PTPRD: variants seen among roughly 807,000 people sequenced by gnomAD.
PTPRD encodes the protein protein tyrosine phosphatase receptor type D.
In PTPRD, 34 loss-of-function variants were observed where a neutral mutation model predicts 214.5. That is an observed-to-expected ratio of 0.16 (90% CI 0.12 to 0.21). PTPRD has a LOEUF of 0.21. PTPRD is among the 10% of genes least tolerant of loss of function. The probability of loss-of-function intolerance (pLI) is 1.00; values close to 1 mark genes in which losing one functional copy is unlikely to be tolerated. For missense variants in PTPRD, 2,545 were observed against 2,398.7 expected, an observed-to-expected ratio of 1.06 and a Z score of -1.27; for synonymous variants, 1,128 against 845.7, an observed-to-expected ratio of 1.33 and a Z score of -5.79.
At chr9:8,437,287 T>TAAA in intron 34 of PTPRD, 1 of 1,291,956 alleles carries the variant, frequency 7.7e-7, no homozygotes, top group Non-Finnish European at 1.0e-6. Context: ...AACAAATTCT[T>TAAA]CAAAAAAAAA....
chr9:8,706,926 C>A (rs2098222599), intron 12 of PTPRD, among the ~76,000 whole-genome samples: 2 of 152,134 alleles, frequency 1.3e-5, no homozygotes, highest in South Asian at 4.1e-4. Context: ...GCACAAAACA[C>A]CACAAATGAA....
chr9:9,113,125 C>T (rs58629527), intron 10 of PTPRD, among the ~76,000 whole-genome samples: 2,257 of 151,518 alleles, frequency 0.015, 41 homozygotes, highest in East Asian at 0.068. Context: ...CCACCATGCC[C>T]GGCTAATTAA....
At chr9:10,459,056 C>G (rs112531810) in intron 2 of PTPRD, among the ~76,000 whole-genome samples, 10,720 of 152,042 alleles carry the variant, frequency 0.071, 583 homozygotes, top group African/African-American at 0.14. Context: ...CCTAGCCCCC[C>G]ATCCATGACA....
intron 3 of PTPRD, among the ~76,000 whole-genome samples, chr9:10,260,329 AG>A (rs1318340390): frequency 1.3e-5 from 2 of 152,148 alleles, no homozygotes; most frequent in Non-Finnish European, 2.9e-5. Flanking sequence ...TAAATTTCAC[AG>A]TCTTGTCCTA....
At chr9:9,989,608 C>T (rs1378625768) in intron 4 of PTPRD, among the ~76,000 whole-genome samples, 1 of 152,112 alleles carries the variant, frequency 6.6e-6, no homozygotes, top group Non-Finnish European at 1.5e-5. Context: ...CACCACCCTC[C>T]AATTTTTTCA....
chr9:10,231,985 A>AGT lies in PTPRD; in HGVS notation c.-545+108977_-545+108978insAC, dbSNP rs1424117716. On this transcript the variant is annotated intron_variant, in intron 3 of 45. Coordinates refer to ENST00000381196, the MANE Select transcript of PTPRD (RefSeq NM_002839.4). ...GAGAGAGAGAGAGAGAGAGAGAGAG[A>AGT]GAGAGTGTGTGTGTGTGTGTGTGTG... Among the ~76,000 whole-genome samples the AGT allele has an allele frequency of 3.7e-3, 356 of 96,168 alleles. 2 individuals carry two copies. The highest frequency in any genetic ancestry group is 0.022 in the Admixed American group (190 of 8,664). The allele number at this position is 96,168 out of a possible 152,430, so 63.1% of individuals were successfully genotyped here.
chr9:9,606,999 AAAAAAAG>A (rs2094202842), intron 7 of PTPRD, among the ~76,000 whole-genome samples: 1 of 126,552 alleles, frequency 7.9e-6, no homozygotes, highest in Non-Finnish European at 1.7e-5. Context: ...AAAAAAAAAA[AAAAAAAG>A]TGTTTCTGCC....
chr9:9,983,512 G>C (rs1171443966), intron 4 of PTPRD, among the ~76,000 whole-genome samples: 1 of 152,218 alleles, frequency 6.6e-6, no homozygotes, highest in Non-Finnish European at 1.5e-5. Context: ...ATAAAATACA[G>C]GCAAAGCACT....
intron 3 of PTPRD, among the ~76,000 whole-genome samples, chr9:10,112,960 G>T (rs1053295044): frequency 1.3e-5 from 2 of 152,130 alleles, no homozygotes; most frequent in Non-Finnish European, 2.9e-5. Flanking sequence ...AAGGTGTGAG[G>T]GATGCTTGCC....
intron 3 of PTPRD, among the ~76,000 whole-genome samples, chr9:10,090,564 T>C (rs1253897261): frequency 6.6e-6 from 1 of 150,820 alleles, no homozygotes; most frequent in Non-Finnish European, 1.5e-5. Flanking sequence ...TTAATGTATT[T>C]TAATGTATTT....
At chr9:9,624,496 C>T (rs1177292302) in intron 7 of PTPRD, among the ~76,000 whole-genome samples, 1 of 151,940 alleles carries the variant, frequency 6.6e-6, no homozygotes, top group Non-Finnish European at 1.5e-5. Context: ...CCATGTTGGC[C>T]AGGCTGGTCT....
chr9:9,739,791 CTTATA>C lies in PTPRD; in HGVS notation c.-325-5225_-325-5221del, dbSNP rs2098370334. 4.6e-5 allele frequency among the ~76,000 whole-genome samples: 7 copies of C among 151,682 alleles called. No individual in the cohort carries two copies. In the South Asian group the frequency reaches 1.5e-3, roughly 32 times the overall value. ...CCTTCCTAACTTGTTGAGATAGATA[CTTATA>C]TTATTTTTCTGCCTTTTTCTCTACA... is the stretch of plus-strand genomic sequence containing the variant. On this transcript the variant is annotated intron_variant, in intron 6 of 45. Transcript: ENST00000381196.
At chr9:9,472,749 A>G (rs1427216165) in intron 8 of PTPRD, among the ~76,000 whole-genome samples, 3 of 152,222 alleles carry the variant, frequency 2.0e-5, no homozygotes, top group African/African-American at 7.2e-5. Context: ...TTGCTTTTTA[A>G]GTTCCCTTAA....
At chr9:10,317,903 A>G (rs958547449) in intron 3 of PTPRD, among the ~76,000 whole-genome samples, 2 of 152,002 alleles carry the variant, frequency 1.3e-5, no homozygotes, top group Non-Finnish European at 2.9e-5. Context: ...GGTATCCTAA[A>G]TTCCAGCTTC....
chr9:10,499,531 T>G (rs2043050654), intron 2 of PTPRD, among the ~76,000 whole-genome samples: 1 of 151,958 alleles, frequency 6.6e-6, no homozygotes, highest in Admixed American at 6.6e-5. Flanking sequence ...CAAATGTGAC[T>G]AATGAAAATG....
intron 7 of PTPRD, among the ~76,000 whole-genome samples, chr9:9,724,368 C>A (rs774136305): frequency 1.3e-5 from 2 of 152,166 alleles, no homozygotes; most frequent in Non-Finnish European, 1.5e-5. Context: ...CAAAGCTCAA[C>A]TCAATAAACA....
At chr9:9,241,947 C>A (rs563503649) in intron 9 of PTPRD, among the ~76,000 whole-genome samples, 184 of 152,178 alleles carry the variant, frequency 1.2e-3, no homozygotes, top group African/African-American at 3.9e-3. Flanking sequence ...CATCGATGGT[C>A]TTTACAATTT....
chr9:9,777,731 T>C (rs59693945), intron 5 of PTPRD, among the ~76,000 whole-genome samples: 2,035 of 152,258 alleles, frequency 0.013, 56 homozygotes, highest in African/African-American at 0.045. Flanking sequence ...TAAATAACTC[T>C]GGAAACATGT....
At chr9:9,103,927 G>C (rs1372592199) in intron 10 of PTPRD, among the ~76,000 whole-genome samples, 1 of 152,108 alleles carries the variant, frequency 6.6e-6, no homozygotes, top group Non-Finnish European at 1.5e-5. Context: ...AGGTTGCAGC[G>C]AGCCAAGATG....
Sources: gnomAD v4.1 joint callset for allele counts (sites outside exome capture counted in the v4.1 genomes callset) on GRCh38, gnomAD v4.1.1 for gene constraint, MANE v1.5 for transcripts, NCBI Gene and HGNC (gene_info 2026-07-23, HGNC 2026-07-21) for gene names.